Variants in SLC12A6 observed in about 807,000 individuals in gnomAD.
SLC12A6 encodes K-Cl cotransporter 3.
A neutral mutation model predicts 135.3 loss-of-function variants in SLC12A6; 66 were observed. The observed-to-expected ratio is 0.49, with a 90% CI of 0.40 to 0.60. SLC12A6 has a LOEUF of 0.60. Ranked by LOEUF, SLC12A6 falls within the 20% of genes least tolerant of loss-of-function variation. The pLI, the probability that SLC12A6 is intolerant of heterozygous loss-of-function variation, is 0.00. For synonymous variants in SLC12A6, 513 were observed against 508.8 expected, an observed-to-expected ratio of 1.01 and a Z score of -0.11; for missense variants, 1,058 against 1,452.3, an observed-to-expected ratio of 0.73 and a Z score of 4.41.
In SLC12A6 at chr15:34,257,723, G is replaced by C; in HGVS notation, c.609C>G (p.Ile203Met). The C allele has an allele frequency of 6.2e-7, 1 of 1,610,774 alleles. No homozygotes were observed. The highest frequency in any genetic ancestry group is 8.5e-7 in the Non-Finnish European group (1 of 1,177,046). The change falls in exon 6 of 26, where the codon ATC becomes ATG. Residue 203 changes from isoleucine to methionine, a missense_variant. Ile to Met is a conservative substitution (Grantham distance 10, BLOSUM62 1). Transcript: ENST00000354181. ...CCACCCATGTAAGGCGTAAAAAAAG[G>C]ATCACTCCAAAAATATTTTGTAGAC... ...LPCLQNIFGV[I>M]LFLRLTWVVG...
intron 2 of SLC12A6, among the ~76,000 whole-genome samples, chr15:34,283,388 T>C (rs1382114359): frequency 6.9e-6 from 1 of 145,770 alleles, no homozygotes; most frequent in East Asian, 2.0e-4. Context: ...AATAAGATAA[T>C]TTCAGCTTAT....
Position 34,260,999 on chromosome 15 carries a change from C to A in SLC12A6, c.338G>T (p.Arg113Leu). 1 of 1,572,468 alleles carries A rather than the reference C, an allele frequency of 6.4e-7. No individual in the cohort carries two copies. Among genetic ancestry groups the A allele is most frequent in the Non-Finnish European group, 8.8e-7 (1 of 1,142,430 alleles). ...ATTGGAATTATTGAGATAAGCATTT[C>A]GAGCTTTCTTATGTCCGTCGTCTGG... ...QLLDDGHKKA[R>L]NAYLNNSNYE... The change falls in exon 4 of 26, where the codon CGA becomes CTA. Residue 113 changes from arginine to leucine, a missense_variant. Arg to Leu is a moderately radical substitution (Grantham distance 102). Coordinates refer to ENST00000354181, the MANE Select transcript of SLC12A6 (RefSeq NM_001365088.1).
intron 19 of SLC12A6, among the ~76,000 whole-genome samples, chr15:34,239,908 TA>T (rs1214309114): frequency 6.6e-6 from 1 of 152,224 alleles, no homozygotes; most frequent in Non-Finnish European, 1.5e-5. Flanking sequence ...TCAGCATTTC[TA>T]GTGTTTAGGA....
intron 9 of SLC12A6, among the ~76,000 whole-genome samples, chr15:34,253,135 G>A (rs1040589118): frequency 1.3e-5 from 2 of 152,010 alleles, no homozygotes; most frequent in Non-Finnish European, 2.9e-5. Flanking sequence ...TACCTCTCAG[G>A]TCCAACAAAG....
At chr15:34,246,541 A>T (rs1892003747) in intron 13 of SLC12A6, among the ~76,000 whole-genome samples, 1 of 152,172 alleles carries the variant, frequency 6.6e-6, no homozygotes, top group South Asian at 2.1e-4. Flanking sequence ...TTGCATCACA[A>T]TTTCTTATCC....
In SLC12A6 at chr15:34,233,929, G is replaced by C. The variant is rs1438411438; in HGVS notation, c.3405C>G (p.Val1135=). ...CACTGCCACCACCCCGGACAAGTAGGACTCGCTCTAGTCCCTCGGTAAGCA... is the reference window on the plus strand; with the variant it reads ...CACTGCCACCACCCCGGACAAGTAGCACTCGCTCTAGTCCCTCGGTAAGCA... ...LEVLTEGLER[V]LLVRGGGSEV... The change falls in exon 26 of 26, where the codon GTC becomes GTG. Residue 1135 remains valine, a synonymous_variant. Transcript: ENST00000354181. The C allele has an allele frequency of 1.9e-5, 30 of 1,607,576 alleles. No homozygotes were observed. Among genetic ancestry groups the C allele is most frequent in the Non-Finnish European group, 2.4e-5 (28 of 1,174,112 alleles).
intron 2 of SLC12A6, among the ~76,000 whole-genome samples, chr15:34,293,146 G>GA (rs1895655564): frequency 6.6e-6 from 1 of 152,152 alleles, no homozygotes; most frequent in African/African-American, 2.4e-5. Flanking sequence ...AGCCATCTTG[G>GA]AAGCGACTCC....
intron 16 of SLC12A6, among the ~76,000 whole-genome samples, chr15:34,243,294 C>G (rs139324910): frequency 6.6e-6 from 1 of 152,248 alleles, no homozygotes; most frequent in East Asian, 1.9e-4. Flanking sequence ...TACATCACTG[C>G]CCACCATTGG....
chr15:34,304,600 C>T (rs347851), intron 2 of SLC12A6, among the ~76,000 whole-genome samples: 60,000 of 152,000 alleles, frequency 0.39, 14,865 homozygotes, highest in African/African-American at 0.71. Flanking sequence ...AAAAACTGTA[C>T]CTCATTTTGG....
chr15:34,254,552 T>C lies in SLC12A6; in HGVS notation c.914A>G (p.Asp305Gly). 1 of 1,610,440 alleles carries C rather than the reference T, an allele frequency of 6.2e-7. No individual in the cohort carries two copies. The highest frequency in any genetic ancestry group is 1.1e-5 in the South Asian group (1 of 91,004). The change falls in exon 9 of 26, where the codon GAT becomes GGT. Residue 305 changes from aspartate (D) to glycine (G), a missense_variant. Around this residue, in one of 6 missense-constraint regions of SLC12A6, gnomAD observed 297 missense variants for 318.5 expected, o/e 0.93. Coordinates refer to ENST00000354181, the MANE Select transcript of SLC12A6 (RefSeq NM_001365088.1). ...GGCTGCTGATTCCTTGAGTGCGTCA[T>C]CACTGTGAAAGATGGCAGCTCGGGG... ...IVPRAAIFHS[D>G]DALKESAAML...
intron 22 of SLC12A6, 142 bp downstream of exon 22, chr15:34,237,277 G>GTTTTTTTTTTTTTTTT: frequency 3.4e-6 from 2 of 586,492 alleles, no homozygotes; most frequent in Non-Finnish European, 5.7e-6. Flanking sequence ...ACAAATTAGG[G>GTTTTTTTTTTTTTTTT]TTTTTTTTTG....
chr15:34,273,505 A>C (rs1595476026), intron 3 of SLC12A6, among the ~76,000 whole-genome samples: 1 of 152,320 alleles, frequency 6.6e-6, no homozygotes, highest in East Asian at 1.9e-4. Context: ...TAAACTCACT[A>C]AAGGAATGAG....
intron 2 of SLC12A6, among the ~76,000 whole-genome samples, chr15:34,280,575 A>G (rs1173703333): frequency 2.0e-5 from 3 of 152,240 alleles, no homozygotes; most frequent in African/African-American, 7.2e-5. Context: ...GAATTTGGGG[A>G]TGTAAACTAG....
chr15:34,235,227 T>C lies in SLC12A6; in HGVS notation c.3315A>G (p.Leu1105=). The change falls in exon 25 of 26, where the codon TTA becomes TTG. Residue 1105 remains leucine, a synonymous_variant. Coordinates refer to ENST00000354181, the MANE Select transcript of SLC12A6 (RefSeq NM_001365088.1). Reference sequence around the variant, plus strand: ...TTCGGGGTGGCCCTGGCATATTCAATAAAACCAGCTTTGCTTCATGGGACT... The same window carrying C: ...TTCGGGGTGGCCCTGGCATATTCAACAAAACCAGCTTTGCTTCATGGGACT... ...VNKSHEAKLV[L]LNMPGPPRNP... 1.2e-6 allele frequency: 2 copies of C among 1,613,908 alleles called. No homozygotes were observed. Among genetic ancestry groups the C allele is most frequent in the Non-Finnish European group, 1.7e-6 (2 of 1,179,792 alleles).
At position 34,251,144 on chromosome 15, in the gene SLC12A6, C is replaced by A. The variant is rs556221559; in HGVS notation, c.1334-87G>T. ...TTCTACCCAAACATTCAAAATCAGG[C>A]TCCTCATTTATACAGTTTCTAAAGG... On this transcript the variant is annotated intron_variant, in intron 10 of 25. Transcript: ENST00000354181. 334 of 1,007,638 alleles carry A rather than the reference C, an allele frequency of 3.3e-4. 3 individuals are homozygous for A. The South Asian group carries it at 4.3e-3, about 13-fold the overall frequency. 62.4% of individuals were successfully genotyped at this position (1,007,638 alleles called of 1,614,324 possible).
At chr15:34,251,985 T>C (rs2140734562) in intron 10 of SLC12A6, among the ~76,000 whole-genome samples, 185 bp downstream of exon 10, 1 of 152,306 alleles carries the variant, frequency 6.6e-6, no homozygotes, top group South Asian at 2.1e-4. Context: ...AAAGGAGTAC[T>C]GAATAAGGAC....
At chr15:34,275,855 C>T (rs1428387362) in intron 2 of SLC12A6, among the ~76,000 whole-genome samples, 1 of 152,002 alleles carries the variant, frequency 6.6e-6, no homozygotes, top group African/African-American at 2.4e-5. Flanking sequence ...AAACCAGACA[C>T]AAAAAGATAA....
intron 16 of SLC12A6, among the ~76,000 whole-genome samples, chr15:34,243,266 T>C (rs926699836): frequency 4.9e-4 from 75 of 152,328 alleles, no homozygotes; most frequent in African/African-American, 1.8e-3. Context: ...AAGATTTTAA[T>C]TTTTGCCCAG....
At chr15:34,239,199 C>T in intron 19 of SLC12A6, 39 bp from the exon 20 acceptor site, 2 of 1,439,746 alleles carry the variant, frequency 1.4e-6, no homozygotes, top group Non-Finnish European at 2.0e-6. Context: ...AACTGGTTCA[C>T]TCTGGACATT....
Sources: allele counts gnomAD v4.1 joint callset (sites outside exome capture counted in the v4.1 genomes callset), GRCh38; gene constraint gnomAD v4.1.1; regional missense constraint gnomAD v4.1.1; transcripts MANE v1.5; gene names NCBI Gene and HGNC (gene_info 2026-07-23, HGNC 2026-07-21).